Variants in PALM2AKAP2 observed in about 807,000 individuals in gnomAD.
The protein encoded by PALM2AKAP2 is PALM2-AKAP2 fusion protein.
In PALM2AKAP2, 37 loss-of-function variants were observed where a neutral mutation model predicts 71.5. The observed-to-expected ratio is 0.52, with a 90% CI of 0.40 to 0.68. The LOEUF is 0.68. PALM2AKAP2 is among the 30% of genes least tolerant of loss of function. The probability of loss-of-function intolerance (pLI) is 0.00; values close to 1 mark genes in which losing one functional copy is unlikely to be tolerated. For missense variants in PALM2AKAP2, 1,224 were observed against 1,191.8 expected (o/e 1.03, Z -0.40); for synonymous variants, 468 against 478.8 (o/e 0.98, Z 0.29).
At chr9:109,987,487 G>A (rs1832402687) in intron 6 of PALM2AKAP2, among the ~76,000 whole-genome samples, 1 of 152,024 alleles carries the variant, frequency 6.6e-6, no homozygotes, top group Non-Finnish European at 1.5e-5. Context: ...TTCAGCTTCA[G>A]ATAAAAACTT....
rs573013098 is a variant in PALM2AKAP2, at chr9:109,892,575, A to T, written c.257+11894A>T. On this transcript the variant is annotated intron_variant, in intron 3 of 9. Transcript: ENST00000302798. ...CAATAAATAGTTTTCAATTTAATTT[A>T]TATGTTTCAGCCTTAGTTTATCCAT... Among the ~76,000 whole-genome samples, 3 of 152,284 alleles carry T rather than the reference A, an allele frequency of 2.0e-5. No individual in the cohort carries two copies. In the East Asian group the frequency reaches 5.8e-4, roughly 29 times the overall value.
chr9:109,708,758 A>G (rs1450047764), intron 1 of PALM2AKAP2, among the ~76,000 whole-genome samples: 3 of 152,224 alleles, frequency 2.0e-5, no homozygotes, highest in Non-Finnish European at 4.4e-5. Flanking sequence ...AAATCCAAAA[A>G]TAAAATTACC....
At chr9:109,643,335 C>T (rs55745512) in intron 1 of PALM2AKAP2, among the ~76,000 whole-genome samples, 13,058 of 152,280 alleles carry the variant, frequency 0.086, 663 homozygotes, top group East Asian at 0.23. Flanking sequence ...ATCTAGTCCT[C>T]TCACTGGGTA....
At chr9:109,893,070 G>A (rs1830121769) in intron 3 of PALM2AKAP2, among the ~76,000 whole-genome samples, 1 of 152,162 alleles carries the variant, frequency 6.6e-6, no homozygotes, top group African/African-American at 2.4e-5. Flanking sequence ...AGGTCCAAGG[G>A]TGCCTTGGAG....
intron 7 of PALM2AKAP2, among the ~76,000 whole-genome samples, chr9:110,031,661 C>G (rs1588067996): frequency 6.6e-6 from 1 of 152,112 alleles, no homozygotes; most frequent in Non-Finnish European, 1.5e-5. Context: ...AGTAACTTGT[C>G]TAAGGTCACA....
At chr9:110,133,521 A>G (rs1047452259) in intron 1 of PALM2AKAP2, among the ~76,000 whole-genome samples, 2 of 152,050 alleles carry the variant, frequency 1.3e-5, no homozygotes, top group African/African-American at 4.8e-5. Flanking sequence ...AGAACTAATT[A>G]TTTGCCTTTT....
At chr9:110,117,670 G>A (rs1240399432) in intron 1 of PALM2AKAP2, among the ~76,000 whole-genome samples, 2 of 152,122 alleles carry the variant, frequency 1.3e-5, no homozygotes, top group African/African-American at 4.8e-5. Flanking sequence ...TACAGCCTGT[G>A]AGAGACAAGA....
chr9:109,676,459 C>A (rs1053794373), intron 1 of PALM2AKAP2, among the ~76,000 whole-genome samples: 2 of 152,136 alleles, frequency 1.3e-5, no homozygotes, highest in Non-Finnish European at 2.9e-5. Context: ...TTTGTATATA[C>A]TGTGTTTTAC....
At chr9:109,685,549 A>G (rs998694380) in intron 1 of PALM2AKAP2, among the ~76,000 whole-genome samples, 2 of 152,176 alleles carry the variant, frequency 1.3e-5, no homozygotes, top group Non-Finnish European at 2.9e-5. Context: ...TCTAAAGACT[A>G]TAGTCTTTTA....
At chr9:109,871,587 C>T in intron 2 of PALM2AKAP2, among the ~76,000 whole-genome samples, 1 of 151,980 alleles carries the variant, frequency 6.6e-6, no homozygotes, top group Non-Finnish European at 1.5e-5. Flanking sequence ...CAGATAGAAC[C>T]CATGCAGAGG....
intron 1 of PALM2AKAP2, among the ~76,000 whole-genome samples, chr9:109,807,354 T>G (rs1026270388): frequency 6.6e-5 from 10 of 152,234 alleles, no homozygotes; most frequent in Admixed American, 3.9e-4. Flanking sequence ...TCTTAGCCTG[T>G]TAGTGCTGCT....
chr9:109,692,497 A>G (rs1183387604), intron 1 of PALM2AKAP2, among the ~76,000 whole-genome samples: 1 of 152,042 alleles, frequency 6.6e-6, no homozygotes, highest in Non-Finnish European at 1.5e-5. Context: ...TGGTGAGAGC[A>G]AGCATATTTG....
chr9:109,763,361 C>T (rs545649432), intron 1 of PALM2AKAP2, among the ~76,000 whole-genome samples: 120 of 152,232 alleles, frequency 7.9e-4, no homozygotes, highest in Admixed American at 2.0e-3. Flanking sequence ...ACCAGACTGT[C>T]GGTAGGTAAG....
At chr9:109,689,031 G>C (rs1827841896) in intron 1 of PALM2AKAP2, among the ~76,000 whole-genome samples, 1 of 152,106 alleles carries the variant, frequency 6.6e-6, no homozygotes. Flanking sequence ...GAGGATTACT[G>C]TTTTTTCTTC....
At chr9:109,691,691 C>T (rs12555163) in intron 1 of PALM2AKAP2, among the ~76,000 whole-genome samples, 9,986 of 150,838 alleles carry the variant, frequency 0.066, 405 homozygotes, top group Non-Finnish European at 0.083. Context: ...CAAGACTCTT[C>T]GATGTTGGAA....
intron 1 of PALM2AKAP2, among the ~76,000 whole-genome samples, chr9:109,700,439 G>T (rs181877421): frequency 1.3e-5 from 2 of 152,128 alleles, no homozygotes; most frequent in African/African-American, 4.8e-5. Context: ...CTGTGAGTCC[G>T]TTAAACATCT....
chr9:110,048,664 C>A (rs753176339), upstream of PALM2AKAP2: 3 of 1,490,292 alleles, frequency 2.0e-6, no homozygotes, highest in East Asian at 8.0e-5. Flanking sequence ...GGGCTCCCCG[C>A]CCTCCAGCGC....
At chr9:109,824,407 G>A (rs1482644719) in intron 1 of PALM2AKAP2, among the ~76,000 whole-genome samples, 1 of 152,214 alleles carries the variant, frequency 6.6e-6, no homozygotes, top group Non-Finnish European at 1.5e-5. Context: ...GGGGACAGGA[G>A]TGATGTCTGA....
At chr9:109,934,452 A>G (rs528334549) in intron 6 of PALM2AKAP2, among the ~76,000 whole-genome samples, 1 of 152,022 alleles carries the variant, frequency 6.6e-6, no homozygotes, top group Middle Eastern at 3.2e-3. Flanking sequence ...CTCACTCTAA[A>G]TCCCCTTTGT....
Sources: allele counts gnomAD v4.1 joint callset (sites outside exome capture counted in the v4.1 genomes callset), GRCh38; gene constraint gnomAD v4.1.1; transcripts MANE v1.5; gene names NCBI Gene and HGNC (gene_info 2026-07-23, HGNC 2026-07-21).